The following RAB18 variants were observed in gnomAD, a reference collection of about 807,000 sequenced individuals.
RAB18 encodes the protein RAB18, member RAS oncogene family.
In RAB18, 10 loss-of-function variants were observed where a neutral mutation model predicts 28.5. The ratio of observed to expected loss-of-function variants is 0.35; its 90% CI spans 0.22 to 0.60. The LOEUF (loss-of-function observed/expected upper bound fraction) is 0.60, where lower values mean the gene tolerates loss of function less well. Among genes scored for constraint, RAB18 ranks in the 20% least tolerant of loss-of-function variants. RAB18 has a pLI of 0.78. For missense variants in RAB18, 188 were observed against 244.2 expected (o/e 0.77, Z 1.53); for synonymous variants, 93 against 86.9 (o/e 1.07, Z -0.39).
intron 3 of RAB18, among the ~76,000 whole-genome samples, chr10:27,528,478 C>A (rs1834724493): frequency 6.6e-6 from 1 of 152,106 alleles, no homozygotes; most frequent in African/African-American, 2.4e-5. Flanking sequence ...TACCACTATA[C>A]ATACCAGTAT....
intron 2 of RAB18, among the ~76,000 whole-genome samples, chr10:27,514,524 G>A (rs1834392314): frequency 6.6e-6 from 1 of 151,488 alleles, no homozygotes. Context: ...AGAGAACTGT[G>A]GAAAATACAA....
intron 2 of RAB18, among the ~76,000 whole-genome samples, chr10:27,510,974 A>G (rs995697252): frequency 2.5e-4 from 38 of 152,160 alleles, no homozygotes; most frequent in African/African-American, 7.7e-4. Flanking sequence ...TACACACAGT[A>G]TTCTTTTTTA....
chr10:27,509,987 T>G lies in RAB18; in HGVS notation c.124+57T>G. The G allele has an allele frequency of 2.9e-6, 4 of 1,372,902 alleles. No homozygotes were observed. The South Asian group carries it at 4.7e-5, about 16-fold the overall frequency. 85.0% of individuals were successfully genotyped at this position (1,372,902 alleles called of 1,614,324 possible). A position where few individuals can be genotyped will look rare whatever the true frequency, so the allele number is the denominator to read the frequency against. On this transcript the variant is annotated intron_variant, in intron 2 of 6. Transcript: ENST00000356940. ...GGCCAGTATTTTCTTGCCTTTGGCC[T>G]TTTTAATCTAAATCCTTCTACCTTC...
chr10:27,538,339 A>C lies in RAB18; in HGVS notation c.*288A>C. ...TATCATGTAATTTTTAAAAAAATCC[A>C]TCTATCTAGGATATGTTGATACAAA... On this transcript the variant is annotated 3_prime_UTR_variant, in exon 7 of 7. Transcript: ENST00000356940. 1.9e-6 allele frequency: 1 copy of C among 523,798 alleles called. No homozygotes were observed. Among genetic ancestry groups the C allele is most frequent in the Non-Finnish European group, 3.7e-6 (1 of 273,280 alleles). 32.4% of individuals were successfully genotyped at this position (523,798 alleles called of 1,614,324 possible). A position where few individuals can be genotyped will look rare whatever the true frequency, so the allele number is the denominator to read the frequency against.
chr10:27,540,484 T>C lies in RAB18; in HGVS notation c.*2433T>C, dbSNP rs1835000314. The stretch of plus-strand genomic sequence containing the variant: ...GTTCCACTATTTCTTTATCACTCTT[T>C]TGTTATATGTAATAGAAGTATTTCA... On this transcript the variant is annotated 3_prime_UTR_variant, in exon 7 of 7. Transcript: ENST00000356940. 1 of 454,098 alleles carries C rather than the reference T, an allele frequency of 2.2e-6. No homozygotes were observed. Among genetic ancestry groups the C allele is most frequent in the Non-Finnish European group, 4.4e-6 (1 of 226,774 alleles). 28.1% of individuals were successfully genotyped at this position (454,098 alleles called of 1,614,324 possible).
At chr10:27,529,568 A>G (rs938439431) in intron 3 of RAB18, among the ~76,000 whole-genome samples, 3 of 151,896 alleles carry the variant, frequency 2.0e-5, no homozygotes, top group South Asian at 4.2e-4. Context: ...CACTCCCTAC[A>G]TCTATTATTA....
chr10:27,535,812 T>C lies in RAB18; in HGVS notation c.445+1818T>C, dbSNP rs187485218. Among the ~76,000 whole-genome samples the C allele has an allele frequency of 2.5e-3, 374 of 152,042 alleles. 2 individuals carry two copies. Among genetic ancestry groups the C allele is most frequent in the Non-Finnish European group, 3.5e-3 (241 of 67,932 alleles). ...TAATTAAAAAGAGCAATCAGGCGGG[T>C]GCAGTGGCTCACGCCTGTAATCTCA... is the stretch of plus-strand genomic sequence containing the variant. On this transcript the variant is annotated intron_variant, in intron 6 of 6. Transcript: ENST00000356940.
intron 3 of RAB18, among the ~76,000 whole-genome samples, chr10:27,530,585 C>T (rs1564835748): frequency 6.6e-6 from 1 of 151,836 alleles, no homozygotes; most frequent in Non-Finnish European, 1.5e-5. Flanking sequence ...GATACGTTCT[C>T]ATAATGATTT....
At position 27,539,423 on chromosome 10, in the gene RAB18, C is replaced by A; in HGVS notation, c.*1372C>A. 1 of 297,236 alleles carries A rather than the reference C, an allele frequency of 3.4e-6. No homozygotes were observed. The highest frequency in any genetic ancestry group is 3.1e-5 in the South Asian group (1 of 32,266). 18.4% of individuals were successfully genotyped at this position (297,236 alleles called of 1,614,324 possible). A position where few individuals can be genotyped will look rare whatever the true frequency, so the allele number is the denominator to read the frequency against. On this transcript the variant is annotated 3_prime_UTR_variant, in exon 7 of 7. Transcript: ENST00000356940. The stretch of plus-strand genomic sequence containing the variant: ...TAATTTACTTCATGTTGGGTTCTTT[C>A]TGAAATGTACATCTTTACATATAAA...
chr10:27,530,420 C>CTT (rs142078098), intron 3 of RAB18, among the ~76,000 whole-genome samples: 1 of 145,164 alleles, frequency 6.9e-6, no homozygotes, highest in East Asian at 2.0e-4. Flanking sequence ...GCTTTTCCTT[C>CTT]TTTTTTTTTT....
intron 2 of RAB18, chr10:27,514,258 A>G (rs1478300099): frequency 6.6e-6 from 1 of 152,250 alleles, no homozygotes; most frequent in Non-Finnish European, 1.5e-5. Flanking sequence ...AGGACAGATG[A>G]AGAACAGTAA....
In RAB18 at chr10:27,539,968, T is replaced by G. The variant is rs1205574460; in HGVS notation, c.*1917T>G. The G allele has an allele frequency of 2.2e-6, 1 of 453,250 alleles. No homozygotes were observed. Among genetic ancestry groups the G allele is most frequent in the East Asian group, 6.9e-5 (1 of 14,412 alleles). 28.1% of individuals were successfully genotyped at this position (453,250 alleles called of 1,614,324 possible). On this transcript the variant is annotated 3_prime_UTR_variant, in exon 7 of 7. Coordinates refer to ENST00000356940, the MANE Select transcript of RAB18 (RefSeq NM_021252.5). Reference sequence around the variant, plus strand: ...TTAGTGTTTTGTAGTGGAGGTTTTGTAAATGAAACAGTTGTAATATCTAAG... The same window carrying G: ...TTAGTGTTTTGTAGTGGAGGTTTTGGAAATGAAACAGTTGTAATATCTAAG...
intron 2 of RAB18, among the ~76,000 whole-genome samples, chr10:27,523,936 G>A (rs527772538): frequency 5.3e-5 from 8 of 151,912 alleles, no homozygotes; most frequent in South Asian, 4.2e-4. Flanking sequence ...AAAATTAGCC[G>A]GGCGTGGTGG....
At position 27,530,193 on chromosome 10, in the gene RAB18, C is replaced by T. The variant is rs1014718698; in HGVS notation, c.187-2314C>T. ...TTATGCAAATAGAATAAACTTTCTT[C>T]CTGTTATCAAAAAGTCTTGGGGCTA... On this transcript the variant is annotated intron_variant, in intron 3 of 6. Transcript: ENST00000356940. Among the ~76,000 whole-genome samples the T allele has an allele frequency of 9.0e-4, 137 of 151,920 alleles. 1 individual carries two copies. The highest frequency in any genetic ancestry group is 7.4e-5 in the Non-Finnish European group (5 of 67,874).
In RAB18 at chr10:27,540,918, C is replaced by T. The variant is rs1053030000; in HGVS notation, c.*2867C>T. 5 of 453,984 alleles carry T rather than the reference C, an allele frequency of 1.1e-5. No individual in the cohort carries two copies. The highest frequency in any genetic ancestry group is 2.2e-5 in the Non-Finnish European group (5 of 226,788). 28.1% of individuals were successfully genotyped at this position (453,984 alleles called of 1,614,324 possible). On this transcript the variant is annotated 3_prime_UTR_variant, in exon 7 of 7. Transcript: ENST00000356940. ...ATAGCTCATAAAAGAATCCTTCTTA[C>T]ACCAGTACTTGTTCTGCCTGTGAGT...
intron 2 of RAB18, among the ~76,000 whole-genome samples, chr10:27,511,892 A>AT (rs889750545): frequency 3.9e-5 from 6 of 152,060 alleles, no homozygotes; most frequent in Non-Finnish European, 7.4e-5. Context: ...TCAAATGGGG[A>AT]TTTTTTTAAA....
At chr10:27,517,922 A>G (rs973040598) in intron 2 of RAB18, among the ~76,000 whole-genome samples, 1 of 151,614 alleles carries the variant, frequency 6.6e-6, no homozygotes, top group Admixed American at 6.6e-5. Flanking sequence ...TTTTTTGAGA[A>G]TGTCATGTAA....
Position 27,540,454 on chromosome 10 carries a change from A to G in RAB18, c.*2403A>G, listed in dbSNP as rs1289085997. 6 of 453,956 alleles carry G rather than the reference A, an allele frequency of 1.3e-5. No individual in the cohort carries two copies. The highest frequency in any genetic ancestry group is 2.3e-5 in the Admixed American group (1 of 42,558). The allele number at this position is 453,956 out of a possible 1,614,324, so 28.1% of individuals were successfully genotyped here. On this transcript the variant is annotated 3_prime_UTR_variant, in exon 7 of 7. Coordinates refer to ENST00000356940, the MANE Select transcript of RAB18 (RefSeq NM_021252.5). Reference sequence around the variant, plus strand: ...AGCTTTTTGTAACACAACCAAGTTAAGGCAGTTCCACTATTTCTTTATCAC... The same window carrying G: ...AGCTTTTTGTAACACAACCAAGTTAGGGCAGTTCCACTATTTCTTTATCAC...
At chr10:27,525,285 C>G (rs1398674015) in intron 2 of RAB18, among the ~76,000 whole-genome samples, 1 of 152,144 alleles carries the variant, frequency 6.6e-6, no homozygotes, top group African/African-American at 2.4e-5. Context: ...TATATACTCC[C>G]TGAAAAACCT....
Sources: gnomAD v4.1 joint callset for allele counts (sites outside exome capture counted in the v4.1 genomes callset) on GRCh38, gnomAD v4.1.1 for gene constraint, MANE v1.5 for transcripts, NCBI Gene and HGNC (gene_info 2026-07-23, HGNC 2026-07-21) for gene names.